LRRC51: variants seen among roughly 807,000 people sequenced by gnomAD.
The protein encoded by LRRC51 is leucine-rich repeat-containing protein 51.
LRRC51 carries 8 observed loss-of-function variants against 17.8 expected under a neutral mutation model. That is an observed-to-expected ratio of 0.45 (90% CI 0.26 to 0.81). LRRC51 has a LOEUF of 0.81. Among genes scored for constraint, LRRC51 ranks in the 30% least tolerant of loss-of-function variants. The pLI, the probability that LRRC51 is intolerant of heterozygous loss-of-function variation, is 0.17. For missense variants in LRRC51, 233 were observed against 239.3 expected (o/e 0.97, Z 0.17); for synonymous variants, 92 against 96.0 (o/e 0.96, Z 0.24).
intron 4 of LRRC51, 48 bp downstream of exon 4, chr11:72,093,749 T>C: frequency 6.4e-7 from 1 of 1,569,792 alleles, no homozygotes; most frequent in Non-Finnish European, 8.8e-7. Flanking sequence ...TGAAGCCACT[T>C]TGTTCAGCCC....
chr11:72,094,998 C>A lies in LRRC51; in HGVS notation c.339C>A (p.Ser113Arg), dbSNP rs767889602. 1.2e-6 allele frequency: 2 copies of A among 1,614,092 alleles called. No homozygotes were observed. Among genetic ancestry groups the A allele is most frequent in the Non-Finnish European group, 1.7e-6 (2 of 1,180,010 alleles). The change falls in exon 5 of 6, where the codon AGC becomes AGA. Residue 113 changes from serine to arginine, a missense_variant. Transcript: ENST00000289488. ...NLSVLYLHGN[S>R]IQRLGEVNKL... ...GTGTCCTCTATCTTCACGGCAACAG[C>A]ATCCAGCGCCTGGGGGAGGTGAATA...
In LRRC51 at chr11:72,096,601, C is replaced by A. The variant is rs929910192; in HGVS notation, c.*1081C>A. 2 of 1,471,880 alleles carry A rather than the reference C, an allele frequency of 1.4e-6. No homozygotes were observed. The highest frequency in any genetic ancestry group is 1.4e-5 in the African/African-American group (1 of 70,060). The allele number at this position is 1,471,880 out of a possible 1,614,324, so 91.2% of individuals were successfully genotyped here. ...GGGAAAGGCCTGCTGGCCTGGGACACTGGAGACGTGGGTTTACCACACAGC... is the reference window on the plus strand; with the variant it reads ...GGGAAAGGCCTGCTGGCCTGGGACAATGGAGACGTGGGTTTACCACACAGC... On this transcript the variant is annotated 3_prime_UTR_variant, in exon 6 of 6. Transcript: ENST00000289488.
Position 72,094,934 on chromosome 11 carries a change from T to C in LRRC51, c.289-14T>C, listed in dbSNP as rs1170000802. 1 of 1,614,010 alleles carries C rather than the reference T, an allele frequency of 6.2e-7. No individual in the cohort carries two copies. Among genetic ancestry groups the C allele is most frequent in the African/African-American group, 1.3e-5 (1 of 74,886 alleles). On this transcript the variant is annotated splice_polypyrimidine_tract_variant and intron_variant, in intron 4 of 5. Transcript: ENST00000289488. Reference sequence around the variant, plus strand: ...GTCCTGTCTAGCCTGGCTTTTGGTTTCCCTCCCCAACAGGTCCTAACAACT... The same window carrying C: ...GTCCTGTCTAGCCTGGCTTTTGGTTCCCCTCCCCAACAGGTCCTAACAACT...
Position 72,093,583 on chromosome 11 carries a change from A to T in LRRC51, c.170A>T (p.Asn57Ile). Residue 57 changes from asparagine to isoleucine, a missense_variant, in exon 4 of 6, where the codon AAT becomes ATT. Asn to Ile is a moderately radical substitution (Grantham distance 149, BLOSUM62 -3). Transcript: ENST00000289488. ...TCACTGACCCAGTCCCTGTGGCTGA[A>T]TAACAATGTTCTCAATGATCTGAGA... ...GKSLTQSLWL[N>I]NNVLNDLRDF... is the part of the protein sequence containing the mutation. 1 of 1,614,210 alleles carries T rather than the reference A, an allele frequency of 6.2e-7. No individual in the cohort carries two copies. Among genetic ancestry groups the T allele is most frequent in the Non-Finnish European group, 8.5e-7 (1 of 1,180,024 alleles).
At chr11:72,087,326 G>C (rs936617088) in intron 1 of LRRC51, among the ~76,000 whole-genome samples, 5 of 146,988 alleles carry the variant, frequency 3.4e-5, no homozygotes, top group African/African-American at 1.3e-4. Flanking sequence ...CCTGAGACAG[G>C]GTCTACAGGG....
chr11:72,093,729 C>G, intron 4 of LRRC51, 28 bp downstream of exon 4: 1 of 1,610,274 alleles, frequency 6.2e-7, no homozygotes, highest in Non-Finnish European at 8.5e-7. Context: ...GGAATCCAGT[C>G]AGGGGAGCCT....
chr11:72,081,604 C>A (rs1355437558), intron 1 of LRRC51, among the ~76,000 whole-genome samples: 1 of 152,142 alleles, frequency 6.6e-6, no homozygotes, highest in Non-Finnish European at 1.5e-5. Context: ...CCAAGACATG[C>A]GGTTAGCATT....
intron 2 of LRRC51, 90 bp downstream of exon 2, chr11:72,088,470 G>A (rs1944668449): frequency 8.6e-6 from 6 of 695,852 alleles, no homozygotes; most frequent in Non-Finnish European, 1.6e-5. Flanking sequence ...AGGGTATTTG[G>A]ATGGAAAGGT....
chr11:72,096,691 A>C lies in LRRC51; in HGVS notation c.*1171A>C. On this transcript the variant is annotated 3_prime_UTR_variant, in exon 6 of 6. Coordinates refer to ENST00000289488, the MANE Select transcript of LRRC51 (RefSeq NM_145309.6). Reference sequence around the variant, plus strand: ...TTTCAGCTTAGAGATTTGGGGGTTAAAGTAGATCAGTAATTTCCAAACTCT... The same window carrying C: ...TTTCAGCTTAGAGATTTGGGGGTTACAGTAGATCAGTAATTTCCAAACTCT... 2 of 1,548,088 alleles carry C rather than the reference A, an allele frequency of 1.3e-6. No homozygotes were observed. The highest frequency in any genetic ancestry group is 2.7e-5 in the African/African-American group (2 of 72,986).
intron 1 of LRRC51, among the ~76,000 whole-genome samples, chr11:72,082,620 A>G (rs1224983029): frequency 6.6e-6 from 1 of 152,090 alleles, no homozygotes; most frequent in Non-Finnish European, 1.5e-5. Flanking sequence ...CAGTGCTCCT[A>G]CCTTTATCCA....
chr11:72,095,907 A>C lies in LRRC51; in HGVS notation c.*387A>C. ...ACCCCAGCTGGAGTGCAGTGGTGCG[A>C]TCTCAGCTCACTGCAACCTCCGCCT... is the stretch of plus-strand genomic sequence containing the variant. On this transcript the variant is annotated 3_prime_UTR_variant, in exon 6 of 6. Coordinates refer to ENST00000289488, the MANE Select transcript of LRRC51 (RefSeq NM_145309.6). The C allele has an allele frequency of 3.2e-6, 1 of 317,048 alleles. No homozygotes were observed. Among genetic ancestry groups the C allele is most frequent in the South Asian group, 2.8e-5 (1 of 36,314 alleles). The allele number at this position is 317,048 out of a possible 1,614,324, so 19.6% of individuals were successfully genotyped here. A position where few individuals can be genotyped will look rare whatever the true frequency, so the allele number is the denominator to read the frequency against.
chr11:72,093,478 C>A lies in LRRC51; in HGVS notation c.83-18C>A, dbSNP rs1487554158. The A allele has an allele frequency of 1.9e-6, 3 of 1,603,292 alleles. No homozygotes were observed. The highest frequency in any genetic ancestry group is 4.5e-5 in the East Asian group (2 of 44,508). Reference sequence around the variant, plus strand: ...AAAAAAGCAAAGATGATACCCAAGTCTCACTTTGTCCCCACAGATCTGGTA... The same window carrying A: ...AAAAAAGCAAAGATGATACCCAAGTATCACTTTGTCCCCACAGATCTGGTA... On this transcript the variant is annotated intron_variant, in intron 3 of 5. Transcript: ENST00000289488.
At chr11:72,093,465 A>G (rs1179760164) in intron 3 of LRRC51, 31 bp from the exon 4 acceptor site, 1 of 1,586,964 alleles carries the variant, frequency 6.3e-7, no homozygotes, top group African/African-American at 1.3e-5. Flanking sequence ...AAAAGCAAAG[A>G]TGATACCCAA....
In LRRC51 at chr11:72,095,446, C is replaced by T. The variant is rs560625526; in HGVS notation, c.505C>T (p.Arg169Cys). 51 of 1,613,976 alleles carry T rather than the reference C, an allele frequency of 3.2e-5. No individual in the cohort carries two copies. The African/African-American group carries it at 3.6e-4, about 11-fold the overall frequency. Residue 169 changes from arginine (R) to cysteine (C), a missense_variant, in exon 6 of 6, where the codon CGC (arginine) becomes TGC (cysteine). Physicochemically the swap from Arg to Cys is radical, Grantham distance 180 (BLOSUM62 -3). Coordinates refer to ENST00000289488, the MANE Select transcript of LRRC51 (RefSeq NM_145309.6). Reference protein sequence around the residue: ...FDFSGVTKADRTTAEVWKRMN... With the variant: ...FDFSGVTKADCTTAEVWKRMN... ...CTTCAGTGGGGTCACCAAAGCAGACCGCACCACAGCTGAAGTCTGGAAACG... is the reference window on the plus strand; with the variant it reads ...CTTCAGTGGGGTCACCAAAGCAGACTGCACCACAGCTGAAGTCTGGAAACG...
intron 3 of LRRC51, chr11:72,089,516 A>C (rs1189165447): frequency 8.0e-7 from 1 of 1,253,118 alleles, no homozygotes; most frequent in Non-Finnish European, 1.0e-6. Context: ...CTGGGAAGCC[A>C]GTCTATCAGC....
intron 1 of LRRC51, among the ~76,000 whole-genome samples, chr11:72,081,297 C>T (rs1448548743): frequency 6.6e-6 from 1 of 152,182 alleles, no homozygotes; most frequent in Admixed American, 6.5e-5. Context: ...TGGCGCGCTC[C>T]AGTGGCCCCA....
intron 4 of LRRC51, chr11:72,094,745 C>A: frequency 9.9e-7 from 1 of 1,013,390 alleles, no homozygotes; most frequent in Non-Finnish European, 1.5e-6. Flanking sequence ...ACCCTCAGAT[C>A]ACAGCTCCTT....
intron 1 of LRRC51, 98 bp from the exon 2 acceptor site, chr11:72,088,196 ACCT>A: frequency 3.4e-6 from 2 of 590,424 alleles, no homozygotes; most frequent in Non-Finnish European, 6.1e-6. Context: ...CTCCAGAAAA[ACCT>A]CAGCTTTACT....
chr11:72,082,733 A>G (rs1473025011), intron 1 of LRRC51, among the ~76,000 whole-genome samples: 1 of 152,060 alleles, frequency 6.6e-6, no homozygotes, highest in Non-Finnish European at 1.5e-5. Context: ...TACTTCCTGA[A>G]TATCTTTTAT....
Sources: allele counts gnomAD v4.1 joint callset (sites outside exome capture counted in the v4.1 genomes callset), GRCh38; gene constraint gnomAD v4.1.1; transcripts MANE v1.5; gene names NCBI Gene and HGNC (gene_info 2026-07-23, HGNC 2026-07-21).